HSPA12A: variants seen among roughly 807,000 people sequenced by gnomAD.
The protein encoded by HSPA12A is heat shock 70 kDa protein 12A.
Under a neutral mutation model 69.2 loss-of-function variants are expected in HSPA12A, and 28 were observed. That is an observed-to-expected ratio of 0.40 (90% CI 0.30 to 0.55). The LOEUF is 0.55. Among genes scored for constraint, HSPA12A ranks in the 20% least tolerant of loss-of-function variants. The pLI, the probability that HSPA12A is intolerant of heterozygous loss-of-function variation, is 0.38. For missense variants in HSPA12A, 686 were observed against 900.7 expected (o/e 0.76, Z 3.05); for synonymous variants, 345 against 370.5 (o/e 0.93, Z 0.79).
At chr10:116,778,497 C>T (rs1844390921) in intron 2 of HSPA12A, among the ~76,000 whole-genome samples, 1 of 152,174 alleles carries the variant, frequency 6.6e-6, no homozygotes, top group South Asian at 2.1e-4. Flanking sequence ...CCACATTGCT[C>T]CTGAAGGAGC....
chr10:116,803,232 G>A (rs1364809651), intron 2 of HSPA12A, among the ~76,000 whole-genome samples: 1 of 152,236 alleles, frequency 6.6e-6, no homozygotes, highest in African/African-American at 2.4e-5. Context: ...GAGGGTGTGC[G>A]GAGAGAATTC....
intron 2 of HSPA12A, among the ~76,000 whole-genome samples, chr10:116,792,670 C>A (rs1844726189): frequency 6.6e-6 from 1 of 150,728 alleles, no homozygotes; most frequent in African/African-American, 2.4e-5. Context: ...ACCTGTGGTC[C>A]CAGCTACTCA....
chr10:116,816,261 C>T, intron 2 of HSPA12A, among the ~76,000 whole-genome samples: 1 of 152,228 alleles, frequency 6.6e-6, no homozygotes, highest in Non-Finnish European at 1.5e-5. Flanking sequence ...TATCATCTTG[C>T]CCCTGACAGA....
At chr10:116,849,426 A>T (rs1845983744) in intron 1 of HSPA12A, 2 of 1,206,610 alleles carry the variant, frequency 1.7e-6, no homozygotes, top group Non-Finnish European at 2.2e-6. Context: ...AATAAAAGGG[A>T]ACGACTTTTA....
chr10:116,734,136 G>A (rs1851240738), intron 1 of HSPA12A, among the ~76,000 whole-genome samples: 1 of 151,968 alleles, frequency 6.6e-6, no homozygotes, highest in South Asian at 2.1e-4. Context: ...ACAGGGCACA[G>A]TGGTTCACAC....
intron 1 of HSPA12A, among the ~76,000 whole-genome samples, chr10:116,842,934 C>T (rs1042771854): frequency 3.2e-4 from 49 of 152,190 alleles, no homozygotes; most frequent in African/African-American, 1.2e-3. Context: ...TTTCTCTTTA[C>T]TATCTGAACT....
chr10:116,676,079 T>C (rs1849227574), intron 11 of HSPA12A, among the ~76,000 whole-genome samples: 1 of 152,218 alleles, frequency 6.6e-6, no homozygotes, highest in South Asian at 2.1e-4. Context: ...CTCTGATCTT[T>C]TTTGTTGTTT....
chr10:116,826,445 A>C (rs559446225), intron 2 of HSPA12A, among the ~76,000 whole-genome samples: 1 of 152,324 alleles, frequency 6.6e-6, no homozygotes, highest in African/African-American at 2.4e-5. Context: ...AGAAACTACA[A>C]GCAGATCCTC....
chr10:116,816,032 CG>C lies in HSPA12A; in HGVS notation c.91+18902del, dbSNP rs1845296488. On this transcript the variant is annotated intron_variant, in intron 2 of 12. Transcript: ENST00000635765. ...GGTGCATTACCTCCATCAAAGCCCACGCATCCTCTCTGGTGGGTGCTACTTC... is the reference window on the plus strand; with the variant it reads ...GGTGCATTACCTCCATCAAAGCCCACCATCCTCTCTGGTGGGTGCTACTTC... 2.6e-5 allele frequency among the ~76,000 whole-genome samples: 4 copies of C among 152,134 alleles called. No individual in the cohort carries two copies. The South Asian group carries it at 8.3e-4, about 32-fold the overall frequency.
intron 6 of HSPA12A, among the ~76,000 whole-genome samples, chr10:116,690,340 A>G (rs1336911757): frequency 2.0e-5 from 3 of 152,190 alleles, no homozygotes; most frequent in African/African-American, 7.2e-5. Flanking sequence ...TCCAGTGCCT[A>G]CCACGGTCCT....
chr10:116,816,740 C>G (rs1453185219), intron 2 of HSPA12A, among the ~76,000 whole-genome samples: 1 of 152,184 alleles, frequency 6.6e-6, no homozygotes, highest in Non-Finnish European at 1.5e-5. Flanking sequence ...CAAAAGTCTT[C>G]CTAATGAGAA....
upstream of HSPA12A, among the ~76,000 whole-genome samples, chr10:116,850,647 T>C (rs1335078504): frequency 2.0e-5 from 3 of 151,966 alleles, no homozygotes; most frequent in Non-Finnish European, 2.9e-5. Context: ...CCACGTCGTA[T>C]TGAGGCAGTT....
At chr10:116,708,217 T>A (rs2132989126) in intron 1 of HSPA12A, 1 of 152,106 alleles carries the variant, frequency 6.6e-6, no homozygotes, top group East Asian at 1.9e-4. Flanking sequence ...GAAGACTGCG[T>A]GCTCCCACCG....
rs550539100 is a variant in HSPA12A at position 116,775,156 on chromosome 10, G to A, written c.91+59779C>T. On this transcript the variant is annotated intron_variant, in intron 2 of 12. Transcript: ENST00000635765. Reference sequence around the variant, plus strand: ...CAGCAATTGCTGCCATTTACCAAGTGCTGATTCTGTACTAAGAACGTGCGA... The same window carrying A: ...CAGCAATTGCTGCCATTTACCAAGTACTGATTCTGTACTAAGAACGTGCGA... Among the ~76,000 whole-genome samples the A allele has an allele frequency of 6.6e-4, 101 of 152,352 alleles. 2 individuals are homozygous for A. The highest frequency in any genetic ancestry group is 2.4e-3 in the African/African-American group (99 of 41,580).
Position 116,775,794 on chromosome 10 carries a change from A to G in HSPA12A, c.91+59141T>C, listed in dbSNP as rs546548529. On this transcript the variant is annotated intron_variant, in intron 2 of 12. Transcript: ENST00000635765. The stretch of plus-strand genomic sequence containing the variant: ...TTCCCAACTCCTCCCCGAGACAGTG[A>G]CCTGGCCTAATCCTGCAGCCCCTAT... 2.6e-5 allele frequency among the ~76,000 whole-genome samples: 4 copies of G among 152,178 alleles called. No individual in the cohort carries two copies. The South Asian group carries it at 8.3e-4, about 32-fold the overall frequency.
At chr10:116,759,293 C>G (rs1374512772) in intron 2 of HSPA12A, among the ~76,000 whole-genome samples, 2 of 152,212 alleles carry the variant, frequency 1.3e-5, no homozygotes, top group African/African-American at 4.8e-5. Flanking sequence ...TCACTGTTAG[C>G]TTGACCTCAG....
chr10:116,807,177 C>A (rs748375127), intron 2 of HSPA12A, among the ~76,000 whole-genome samples: 7 of 152,050 alleles, frequency 4.6e-5, no homozygotes, highest in Non-Finnish European at 1.0e-4. Context: ...ACCAGGGGCT[C>A]TTTGACTTCT....
rs1319205625 is a variant in HSPA12A at position 116,672,305 on chromosome 10, T to G, written c.*2476A>C. ...ACGACCCCTCAGGACACAAAGGGTT[T>G]CTTAGGTTGTTCTGCGCAGTCACAT... On this transcript the variant is annotated 3_prime_UTR_variant, in exon 12 of 12. Transcript: ENST00000369209. The G allele has an allele frequency of 6.6e-6, 1 of 152,192 alleles. No individual in the cohort carries two copies. The highest frequency in any genetic ancestry group is 1.5e-5 in the Non-Finnish European group (1 of 68,036). 9.4% of individuals were successfully genotyped at this position (152,192 alleles called of 1,614,324 possible). A position where few individuals can be genotyped will look rare whatever the true frequency, so the allele number is the denominator to read the frequency against.
chr10:116,692,075 T>C (rs1226980230), intron 6 of HSPA12A, among the ~76,000 whole-genome samples: 1 of 152,138 alleles, frequency 6.6e-6, no homozygotes, highest in Non-Finnish European at 1.5e-5. Flanking sequence ...CCCTGGAGAC[T>C]CCGCAGTAGA....
Sources: allele counts gnomAD v4.1 joint callset (sites outside exome capture counted in the v4.1 genomes callset), GRCh38; gene constraint gnomAD v4.1.1; transcripts MANE v1.5; gene names NCBI Gene and HGNC (gene_info 2026-07-23, HGNC 2026-07-21).